Variants in NIPA1 observed in about 807,000 individuals in gnomAD.
The protein encoded by NIPA1 is NIPA magnesium transporter 1.
Under a neutral mutation model 23.9 loss-of-function variants are expected in NIPA1, and 13 were observed. The ratio of observed to expected loss-of-function variants is 0.54; its 90% CI spans 0.35 to 0.87. The LOEUF (loss-of-function observed/expected upper bound fraction) is 0.87. Ranked by LOEUF, NIPA1 falls within the 40% of genes least tolerant of loss-of-function variation. NIPA1 has a pLI of 0.01. For synonymous variants in NIPA1, 234 were observed against 202.9 expected (o/e 1.15, Z -1.30); for missense variants, 362 against 429.7 (o/e 0.84, Z 1.39).
intron 1 of NIPA1, among the ~76,000 whole-genome samples, chr15:22,796,568 T>G (rs1004620080): frequency 3.9e-5 from 6 of 152,140 alleles, no homozygotes; most frequent in African/African-American, 1.4e-4. Flanking sequence ...CCTTCCAAAT[T>G]ACTAGGATTC....
chr15:22,808,679 C>CTTTTT (rs59983551), intron 1 of NIPA1, among the ~76,000 whole-genome samples: 1 of 128,334 alleles, frequency 7.8e-6, no homozygotes, highest in Non-Finnish European at 1.6e-5. Context: ...TAGCAATATT[C>CTTTTT]TTTTTTTTGA....
In NIPA1 at chr15:22,820,980, C is replaced by CTTT. The variant is rs34707760; in HGVS notation, c.478+519_478+521dup. ...CTTTTGACATAATTTCTTTTCTTTT[C>CTTT]TTTTTTTTTTTTTTGGAGACGGAGT... On this transcript the variant is annotated intron_variant, in intron 4 of 4. Coordinates refer to ENST00000337435, the MANE Select transcript of NIPA1 (RefSeq NM_144599.5). Among the ~76,000 whole-genome samples the CTTT allele has an allele frequency of 5.2e-3, 727 of 140,362 alleles. 28 individuals are homozygous for CTTT. Among genetic ancestry groups the CTTT allele is most frequent in the Admixed American group, 0.038 (520 of 13,718 alleles). 92.1% of individuals were successfully genotyped at this position (140,362 alleles called of 152,430 possible). A position where few individuals can be genotyped will look rare whatever the true frequency, so the allele number is the denominator to read the frequency against.
At chr15:22,812,373 C>T (rs531408945) in intron 3 of NIPA1, 120 bp downstream of exon 3, 32 of 753,522 alleles carry the variant, frequency 4.2e-5, no homozygotes, top group Admixed American at 1.7e-4. Context: ...ATCTTCAGGC[C>T]GGGCATGGTG....
chr15:22,819,941 T>C (rs937687934), intron 3 of NIPA1, among the ~76,000 whole-genome samples: 1 of 152,294 alleles, frequency 6.6e-6, no homozygotes, highest in Middle Eastern at 3.4e-3. Context: ...CACCTATAAT[T>C]CCAGCACTTT....
intron 1 of NIPA1, among the ~76,000 whole-genome samples, chr15:22,805,743 T>A (rs1895193444): frequency 6.6e-6 from 1 of 152,136 alleles, no homozygotes; most frequent in Admixed American, 6.6e-5. Flanking sequence ...TTTTATACAT[T>A]AATTTACAAA....
Position 22,810,830 on chromosome 15 carries a change from C to G in NIPA1, c.226+34C>G, listed in dbSNP as rs767154984. ...CCTGTGTGGCGAAGTCTGGTCTTTT[C>G]CTTTCTTAGAATCCATCACTGGTCT... On this transcript the variant is annotated intron_variant, in intron 2 of 4. Coordinates refer to ENST00000337435, the MANE Select transcript of NIPA1 (RefSeq NM_144599.5). 7.1e-6 allele frequency: 11 copies of G among 1,555,094 alleles called. No homozygotes were observed. The African/African-American group carries it at 1.5e-4, about 21-fold the overall frequency.
chr15:22,818,171 G>T (rs1451321115), intron 3 of NIPA1, among the ~76,000 whole-genome samples: 3 of 152,212 alleles, frequency 2.0e-5, no homozygotes, highest in Non-Finnish European at 1.5e-5. Flanking sequence ...GGTCGTGGTG[G>T]CTCACGCCTG....
chr15:22,788,413 G>T, intron 1 of NIPA1, among the ~76,000 whole-genome samples: 2 of 149,466 alleles, frequency 1.3e-5, no homozygotes, highest in Middle Eastern at 7.2e-3. Flanking sequence ...AGGCAGGAGA[G>T]TCTCTTGAAC....
At chr15:22,804,637 A>G (rs1398256511) in intron 1 of NIPA1, among the ~76,000 whole-genome samples, 2 of 152,124 alleles carry the variant, frequency 1.3e-5, no homozygotes, top group Non-Finnish European at 2.9e-5. Flanking sequence ...GGTCTGAGGC[A>G]TGAATTAAAC....
intron 1 of NIPA1, among the ~76,000 whole-genome samples, chr15:22,796,553 C>T (rs1002999457): frequency 1.3e-5 from 2 of 152,030 alleles, no homozygotes; most frequent in Non-Finnish European, 2.9e-5. Context: ...ATCCTCCCAT[C>T]TTAGCCTTCC....
chr15:22,797,158 G>C (rs946583577), intron 1 of NIPA1, among the ~76,000 whole-genome samples: 1 of 150,916 alleles, frequency 6.6e-6, no homozygotes, highest in African/African-American at 2.4e-5. Context: ...TTGTGCCTCA[G>C]CCTCCCGAGT....
intron 2 of NIPA1, 26 bp downstream of exon 2, chr15:22,810,822 G>A: frequency 1.3e-6 from 2 of 1,580,170 alleles, no homozygotes; most frequent in Non-Finnish European, 1.7e-6. Flanking sequence ...GGCGAAGTCT[G>A]GTCTTTTCCT....
chr15:22,821,525 C>A lies in NIPA1; in HGVS notation c.478+1052C>A, dbSNP rs1418780351. ...TCGCTGGTTTTCTCGTCCACACTCA[C>A]TGGTTTTGTCCACACTCGGTGGTCT... is the stretch of plus-strand genomic sequence containing the variant. On this transcript the variant is annotated intron_variant, in intron 4 of 4. Transcript: ENST00000337435. Among the ~76,000 whole-genome samples the A allele has an allele frequency of 3.3e-5, 5 of 151,200 alleles. No homozygotes were observed. In the East Asian group the frequency reaches 9.7e-4, roughly 29 times the overall value.
rs1431568605 is a variant in NIPA1, at chr15:22,820,429, G to C, written c.434G>C (p.Ser145Thr). The C allele has an allele frequency of 6.2e-7, 1 of 1,612,968 alleles. No individual in the cohort carries two copies. The highest frequency in any genetic ancestry group is 1.1e-5 in the South Asian group (1 of 91,078). The change falls in exon 4 of 5, where the codon AGT becomes ACT. Residue 145 changes from serine to threonine, a missense_variant. Ser to Thr is a moderately conservative substitution (Grantham distance 58). Transcript: ENST00000337435. ...VLIIHSPKSE[S>T]VTTQAELEEK... ...ATTATCCACTCCCCAAAGTCTGAGA[G>C]TGTGACAACTCAGGCTGAGCTGGAG...
chr15:22,812,621 C>G (rs1186882920), intron 3 of NIPA1, among the ~76,000 whole-genome samples: 1 of 151,064 alleles, frequency 6.6e-6, no homozygotes, highest in Non-Finnish European at 1.5e-5. Flanking sequence ...CCACAGCACT[C>G]CAGCCTGGGA....
intron 1 of NIPA1, among the ~76,000 whole-genome samples, chr15:22,800,681 C>A (rs1458148190): frequency 3.9e-5 from 6 of 152,012 alleles, no homozygotes. Flanking sequence ...GTAATCCCAG[C>A]ACTTTGGGAG....
At chr15:22,790,664 T>G (rs1894807643) in intron 1 of NIPA1, among the ~76,000 whole-genome samples, 1 of 152,106 alleles carries the variant, frequency 6.6e-6, no homozygotes, top group African/African-American at 2.4e-5. Context: ...TCCACCCACC[T>G]TGACCTCCCA....
chr15:22,802,514 C>T (rs1895106009), intron 1 of NIPA1, among the ~76,000 whole-genome samples: 1 of 152,030 alleles, frequency 6.6e-6, no homozygotes, highest in African/African-American at 2.4e-5. Context: ...GTGAAATCCT[C>T]ACCACCAAGA....
intron 1 of NIPA1, among the ~76,000 whole-genome samples, chr15:22,790,351 A>T (rs916147594): frequency 1.3e-5 from 2 of 149,942 alleles, no homozygotes; most frequent in South Asian, 2.1e-4. Context: ...TGTTTTTGAG[A>T]TGGAGTCTTG....
Sources: gnomAD v4.1 joint callset for allele counts (sites outside exome capture counted in the v4.1 genomes callset) on GRCh38, gnomAD v4.1.1 for gene constraint, MANE v1.5 for transcripts, NCBI Gene and HGNC (gene_info 2026-07-23, HGNC 2026-07-21) for gene names.